The following SYT14 variants were observed in gnomAD, a reference collection of about 807,000 sequenced individuals.
The protein encoded by SYT14 is synaptotagmin 14.
In SYT14, 32 loss-of-function variants were observed where a neutral mutation model predicts 74.2. The ratio of observed to expected loss-of-function variants is 0.43; its 90% CI spans 0.33 to 0.58. The LOEUF (loss-of-function observed/expected upper bound fraction) is 0.58. Among genes scored for constraint, SYT14 ranks in the 20% least tolerant of loss-of-function variants. The pLI is 0.05. For synonymous variants in SYT14, 298 were observed against 337.7 expected (o/e 0.88, Z 1.29); for missense variants, 791 against 981.8 (o/e 0.81, Z 2.60).
At chr1:210,065,585 C>T (rs563051272) in intron 5 of SYT14, among the ~76,000 whole-genome samples, 3 of 150,978 alleles carry the variant, frequency 2.0e-5, no homozygotes, top group African/African-American at 7.3e-5. Flanking sequence ...AAAATTGAGA[C>T]AATTATATTT....
intron 5 of SYT14, among the ~76,000 whole-genome samples, chr1:210,076,502 G>A (rs11119403): frequency 0.05 from 7,666 of 152,060 alleles, 1,044 homozygotes; most frequent in East Asian, 0.42. Flanking sequence ...CCTGTTCCTC[G>A]CCTTTCATAT....
intron 5 of SYT14, among the ~76,000 whole-genome samples, chr1:210,052,952 C>G (rs961386313): frequency 6.6e-6 from 1 of 151,982 alleles, no homozygotes; most frequent in East Asian, 1.9e-4. Context: ...GCCATATTCT[C>G]TACATTTTCT....
chr1:210,061,954 T>A (rs2081214167), intron 5 of SYT14, among the ~76,000 whole-genome samples: 1 of 151,850 alleles, frequency 6.6e-6, no homozygotes, highest in Admixed American at 6.6e-5. Flanking sequence ...CAATTATCTC[T>A]TTTTTTCAAT....
chr1:210,111,340 C>T (rs1163633946), intron 7 of SYT14, among the ~76,000 whole-genome samples: 1 of 151,916 alleles, frequency 6.6e-6, no homozygotes, highest in African/African-American at 2.4e-5. Flanking sequence ...AGGAATTTCA[C>T]AAGGTAATGT....
At chr1:210,157,254 C>A (rs1299429645) in intron 8 of SYT14, among the ~76,000 whole-genome samples, 2 of 150,108 alleles carry the variant, frequency 1.3e-5, no homozygotes, top group African/African-American at 2.5e-5. Context: ...CCAGCCTGGG[C>A]AACAAAGTGA....
chr1:210,166,855 T>C (rs1374871031), exon 10 of SYT14: 1 of 152,188 alleles, frequency 6.6e-6, no homozygotes, highest in Non-Finnish European at 1.5e-5. Flanking sequence ...GACCTTTAAG[T>C]GTGATAGTGA....
At chr1:210,021,092 G>A in exon 5 of SYT14, 1 of 1,613,954 alleles carries the variant, frequency 6.2e-7, no homozygotes, top group East Asian at 2.2e-5. Flanking sequence ...AAGTGAAGAT[G>A]AAGCGCTGGG....
exon 10 of SYT14, chr1:210,169,221 G>GTTTTTTTTTTTTTTTTTTTTT (rs35974726): frequency 4.0e-5 from 2 of 50,248 alleles, no homozygotes; most frequent in Non-Finnish European, 7.6e-5. Flanking sequence ...TGTTTTTGGT[G>GTTTTTTTTTTTTTTTTTTTTT]TTTTTTTTTT....
intron 2 of SYT14, among the ~76,000 whole-genome samples, chr1:209,969,025 A>G (rs898597036): frequency 2.0e-5 from 3 of 151,926 alleles, no homozygotes; most frequent in Non-Finnish European, 4.4e-5. Flanking sequence ...GTGTTAGTTC[A>G]CTTAGGATAA....
At chr1:210,163,839 G>A (rs2083422715) in exon 10 of SYT14, 1 of 453,762 alleles carries the variant, frequency 2.2e-6, no homozygotes, top group Non-Finnish European at 4.4e-6. Context: ...AAGCTTAATA[G>A]CAAAATCTTC....
intron 2 of SYT14, among the ~76,000 whole-genome samples, chr1:209,954,629 A>C (rs530345781): frequency 1.3e-5 from 2 of 152,232 alleles, no homozygotes; most frequent in African/African-American, 4.8e-5. Flanking sequence ...AAAGTTATGT[A>C]GAGTAATTAT....
At chr1:209,974,697 T>G (rs890927080) in intron 2 of SYT14, among the ~76,000 whole-genome samples, 102 of 152,230 alleles carry the variant, frequency 6.7e-4, no homozygotes, top group Middle Eastern at 3.4e-3. Context: ...CAATGCGGGC[T>G]CTTTTTTGGT....
chr1:210,099,608 T>C (rs997299143), intron 6 of SYT14, among the ~76,000 whole-genome samples: 18 of 152,198 alleles, frequency 1.2e-4, no homozygotes, highest in African/African-American at 4.1e-4. Context: ...TTTATTTATG[T>C]TCTCTTTCTC....
At chr1:210,071,706 G>C (rs1330954654) in intron 5 of SYT14, among the ~76,000 whole-genome samples, 4 of 151,890 alleles carry the variant, frequency 2.6e-5, no homozygotes, top group African/African-American at 9.7e-5. Context: ...AGAAAGATTT[G>C]GTTGCTACAC....
At chr1:209,985,139 C>A (rs754231373) in intron 2 of SYT14, among the ~76,000 whole-genome samples, 1 of 152,174 alleles carries the variant, frequency 6.6e-6, no homozygotes, top group African/African-American at 2.4e-5. Flanking sequence ...AAAGTTTTAA[C>A]TTGTTGCAAC....
intron 5 of SYT14, among the ~76,000 whole-genome samples, chr1:210,056,569 A>C (rs1379009806): frequency 6.6e-6 from 1 of 151,100 alleles, no homozygotes; most frequent in Non-Finnish European, 1.5e-5. Context: ...TAATCCCAGC[A>C]CTTTGGGAGG....
chr1:209,976,761 T>C (rs1178350089), intron 2 of SYT14, among the ~76,000 whole-genome samples: 1 of 152,228 alleles, frequency 6.6e-6, no homozygotes, highest in African/African-American at 2.4e-5. Context: ...GATATCCTTG[T>C]TAACTTTCTG....
chr1:210,144,078 G>A (rs947629682), intron 7 of SYT14, among the ~76,000 whole-genome samples: 2 of 152,096 alleles, frequency 1.3e-5, no homozygotes, highest in Non-Finnish European at 2.9e-5. Flanking sequence ...CAAAGCACAG[G>A]CACCTACAGT....
intron 7 of SYT14, among the ~76,000 whole-genome samples, chr1:210,113,558 A>G (rs1353609294): frequency 1.3e-5 from 2 of 151,186 alleles, no homozygotes; most frequent in Non-Finnish European, 2.9e-5. Flanking sequence ...GGGATGGGAT[A>G]TTGGTGTTGA....
Sources: gnomAD v4.1 joint callset for allele counts (sites outside exome capture counted in the v4.1 genomes callset) on GRCh38, gnomAD v4.1.1 for gene constraint, MANE v1.5 for transcripts, NCBI Gene and HGNC (gene_info 2026-07-23, HGNC 2026-07-21) for gene names.